SRSF6: variants seen among roughly 807,000 people sequenced by gnomAD.
SRSF6 encodes serine/arginine-rich splicing factor 6.
Under a neutral mutation model 42.0 loss-of-function variants are expected in SRSF6, and 17 were observed. The ratio of observed to expected loss-of-function variants is 0.40; its 90% CI spans 0.28 to 0.61. The LOEUF is 0.61. SRSF6 is among the 20% of genes least tolerant of loss of function. The pLI is 0.37. For missense variants in SRSF6, 379 were observed against 471.4 expected (o/e 0.80, Z 1.81); for synonymous variants, 204 against 166.7 (o/e 1.22, Z -1.72).
rs13042776 is a variant in SRSF6 at position 43,457,972 on chromosome 20, C to G, written c.-62C>G. ...TCTTGCCGTCCCCGCACCCGCACCGCGGTTACTGGCTTGCGGTCCGCCGTT... is the reference window on the plus strand; with the variant it reads ...TCTTGCCGTCCCCGCACCCGCACCGGGGTTACTGGCTTGCGGTCCGCCGTT... On this transcript the variant is annotated 5_prime_UTR_variant, in exon 1 of 6. Transcript: ENST00000244020. 3 of 1,409,116 alleles carry G rather than the reference C, an allele frequency of 2.1e-6. No homozygotes were observed. The highest frequency in any genetic ancestry group is 3.0e-6 in the Non-Finnish European group (3 of 1,009,902). 87.3% of individuals were successfully genotyped at this position (1,409,116 alleles called of 1,614,324 possible). A position where few individuals can be genotyped will look rare whatever the true frequency, so the allele number is the denominator to read the frequency against.
Position 43,461,357 on chromosome 20 carries a change from TTTTTTTTTTTTTTTTTTA to T in SRSF6, c.*295_*312del, listed in dbSNP as rs2017594305. Reference sequence around the variant, plus strand: ...GTGTTGTTTTTTTTTTTTTTTTTTTTTTTTTTTTTTTTTTTTTAGTATTTCAGCAGGATCTGCTGGCAG... The same window carrying T: ...GTGTTGTTTTTTTTTTTTTTTTTTTTGTATTTCAGCAGGATCTGCTGGCAG... On this transcript the variant is annotated 3_prime_UTR_variant, in exon 6 of 6. Transcript: ENST00000244020. 4.1e-6 allele frequency: 1 copy of T among 244,696 alleles called. No individual in the cohort carries two copies. The highest frequency in any genetic ancestry group is 7.6e-5 in the East Asian group (1 of 13,154). The allele number at this position is 244,696 out of a possible 1,614,324, so 15.2% of individuals were successfully genotyped here.
chr20:43,459,307 G>C (rs1180910800), intron 2 of SRSF6: 1 of 1,351,974 alleles, frequency 7.4e-7, no homozygotes, highest in African/African-American at 1.5e-5. Flanking sequence ...GCCATTAGAC[G>C]CAGGGTGATG....
At position 43,457,929 on chromosome 20, in the gene SRSF6, T is replaced by G; in HGVS notation, c.-105T>G. ...GCTGGACTCGGCCGCCCCTGTGGTG[T>G]GAGGCGCGTGTTCGGGCTCTTGCCG... On this transcript the variant is annotated 5_prime_UTR_variant, in exon 1 of 6. Coordinates refer to ENST00000244020, the MANE Select transcript of SRSF6 (RefSeq NM_006275.6). 1.1e-6 allele frequency: 1 copy of G among 944,204 alleles called. No homozygotes were observed. The allele number at this position is 944,204 out of a possible 1,614,324, so 58.5% of individuals were successfully genotyped here.
In SRSF6 at chr20:43,460,508, C is replaced by A. The variant is rs1441727167; in HGVS notation, c.591-7C>A. ...GGATTAAGACTTCATTGTTTTTCTC[C>A]TAATAGGTCTCGATCTAGAAGACGG... is the stretch of plus-strand genomic sequence containing the variant. On this transcript the variant is annotated splice_polypyrimidine_tract_variant and splice_region_variant and intron_variant, in intron 4 of 5. Transcript: ENST00000244020. 3 of 1,612,272 alleles carry A rather than the reference C, an allele frequency of 1.9e-6. No individual in the cohort carries two copies. The highest frequency in any genetic ancestry group is 1.7e-6 in the Non-Finnish European group (2 of 1,179,136).
Position 43,460,937 on chromosome 20 carries a change from G to T in SRSF6, c.909G>T (p.Ser303=). The T allele has an allele frequency of 6.2e-7, 1 of 1,614,048 alleles. No individual in the cohort carries two copies. The highest frequency in any genetic ancestry group is 8.5e-7 in the Non-Finnish European group (1 of 1,180,016). Residue 303 remains serine, a synonymous_variant, in exon 6 of 6, where the codon TCG becomes TCT. Transcript: ENST00000244020. The part of the protein sequence containing the change: ...SRSRSQSRSN[S]PLPVPPSKAR... Reference sequence around the variant, plus strand: ...CAAGGAGCCAGTCCCGTTCCAATTCGCCGCTACCTGTTCCACCCTCAAAGG... The same window carrying T: ...CAAGGAGCCAGTCCCGTTCCAATTCTCCGCTACCTGTTCCACCCTCAAAGG...
rs1285973406 is a variant in SRSF6 at position 43,460,722 on chromosome 20, G to A, written c.694G>A (p.Gly232Ser). ...SRSRSRSRSKGRSRSRSKGRK... is the reference protein window; with the variant it reads ...SRSRSRSRSKSRSRSRSKGRK... Reference sequence around the variant, plus strand: ...GTCCAGTTCCAGGTCGCGGAGCAAAGGTCGATCACGTTCTCGATCAAAAGG... The same window carrying A: ...GTCCAGTTCCAGGTCGCGGAGCAAAAGTCGATCACGTTCTCGATCAAAAGG... The change falls in exon 6 of 6, where the codon GGT becomes AGT. Residue 232 changes from glycine (G) to serine (S), a missense_variant. Gly to Ser is a moderately conservative substitution (Grantham distance 56). Coordinates refer to ENST00000244020, the MANE Select transcript of SRSF6 (RefSeq NM_006275.6). 3 of 1,613,468 alleles carry A rather than the reference G, an allele frequency of 1.9e-6. No individual in the cohort carries two copies. The highest frequency in any genetic ancestry group is 2.5e-6 in the Non-Finnish European group (3 of 1,179,578).
Position 43,463,997 on chromosome 20 carries a change from GATC to G in SRSF6, c.*2937_*2939del, listed in dbSNP as rs2017646531. ...TTGTATCTGCTCAAGAGATTTCTAT[GATC>G]ATATAAAAATGCCTTTTTAGGTTTT... On this transcript the variant is annotated 3_prime_UTR_variant, in exon 6 of 6. Transcript: ENST00000244020. The G allele has an allele frequency of 6.6e-6, 1 of 152,214 alleles. No homozygotes were observed. Among genetic ancestry groups the G allele is most frequent in the African/African-American group, 2.4e-5 (1 of 41,456 alleles). The allele number at this position is 152,214 out of a possible 1,614,324, so 9.4% of individuals were successfully genotyped here.
Position 43,460,685 on chromosome 20 carries a change from C to G in SRSF6, c.675-18C>G. 6.2e-7 allele frequency: 1 copy of G among 1,611,986 alleles called. No homozygotes were observed. On this transcript the variant is annotated intron_variant, in intron 5 of 5. Coordinates refer to ENST00000244020, the MANE Select transcript of SRSF6 (RefSeq NM_006275.6). ...CATTCTCACTAAGTATTGAGAAAAT[C>G]GGTCTTTCCTTGTCCAGTTCCAGGT...
At chr20:43,458,275 G>A in intron 1 of SRSF6, 86 bp from the exon 2 acceptor site, 2 of 1,398,748 alleles carry the variant, frequency 1.4e-6, no homozygotes, top group Non-Finnish European at 1.9e-6. Flanking sequence ...GCGTCGCGGG[G>A]GCGCGCGGTG....
Position 43,458,088 on chromosome 20 carries a change from C to T in SRSF6, c.55C>T (p.Gln19Ter). The T allele has an allele frequency of 6.2e-7, 1 of 1,613,552 alleles. No individual in the cohort carries two copies. Residue 19 changes from glutamine to a stop codon, truncating the protein, a stop_gained, in exon 1 of 6, where the codon CAG (glutamine) becomes TAG (stop). Transcript: ENST00000244020. LOFTEE classifies it high-confidence loss of function. ...CTACAACGTCCGGGAGAAGGACATC[C>T]AGCGCTTTTTCAGTGGCTATGGCCG... ...LSYNVREKDI[Q>*]RFFSGYGRLL...
In SRSF6 at chr20:43,460,864, G is replaced by T. The variant is rs145109946; in HGVS notation, c.836G>T (p.Arg279Leu). The change falls in exon 6 of 6, where the codon CGA (arginine) becomes CTA (leucine). Residue 279 changes from arginine (R) to leucine (L), a missense_variant. By Grantham distance (102) the Arg-to-Leu change is moderately radical (BLOSUM62 -2). Transcript: ENST00000244020. ...YEKSRSRSRS[R>L]SPKENGKGDI... is the part of the protein sequence containing the mutation. ...AAATCTCGAAGCAGGTCTCGGTCCC[G>T]ATCCCCTAAAGAAAATGGAAAGGGT... 3.1e-6 allele frequency: 5 copies of T among 1,614,038 alleles called. No individual in the cohort carries two copies. The South Asian group carries it at 4.4e-5, about 14-fold the overall frequency.
Position 43,459,762 on chromosome 20 carries a change from G to C in SRSF6, c.257-9G>C, listed in dbSNP as rs980007110. The C allele has an allele frequency of 6.2e-7, 1 of 1,612,694 alleles. No homozygotes were observed. Among genetic ancestry groups the C allele is most frequent in the Non-Finnish European group, 8.5e-7 (1 of 1,180,010 alleles). ...CAAGGCATCTAATTGTTCCCTTCAT[G>C]TGATAAAGGTGGTGGAGGTGGATAC... is the stretch of plus-strand genomic sequence containing the variant. On this transcript the variant is annotated splice_polypyrimidine_tract_variant and intron_variant, in intron 2 of 5. Coordinates refer to ENST00000244020, the MANE Select transcript of SRSF6 (RefSeq NM_006275.6).
chr20:43,461,334 GTTGT>G lies in SRSF6; in HGVS notation c.*274_*277del, dbSNP rs1278745731. ...TTTGTAAAGATTAAGCTCATTTAGT[GTTGT>G]TTTTTTTTTTTTTTTTTTTTTTTTT... On this transcript the variant is annotated 3_prime_UTR_variant, in exon 6 of 6. Coordinates refer to ENST00000244020, the MANE Select transcript of SRSF6 (RefSeq NM_006275.6). 1.5e-3 allele frequency: 84 copies of G among 56,490 alleles called. 5 individuals carry two copies. In the South Asian group the frequency reaches 0.034, roughly 23 times the overall value. The allele number at this position is 56,490 out of a possible 1,614,324, so 3.5% of individuals were successfully genotyped here. A position where few individuals can be genotyped will look rare whatever the true frequency, so the allele number is the denominator to read the frequency against.
At chr20:43,458,209 G>A (rs1335059497) in intron 1 of SRSF6, 69 bp downstream of exon 1, 5 of 1,537,998 alleles carry the variant, frequency 3.3e-6, no homozygotes, top group Admixed American at 1.9e-5. Flanking sequence ...TCCAAGGAAA[G>A]AAGCGGCCAA....
Position 43,461,146 on chromosome 20 carries a change from C to T in SRSF6, c.*83C>T, listed in dbSNP as rs2017583145. On this transcript the variant is annotated 3_prime_UTR_variant, in exon 6 of 6. Coordinates refer to ENST00000244020, the MANE Select transcript of SRSF6 (RefSeq NM_006275.6). ...CTTCCATGTTTATACTTGGCCTCTT[C>T]TGCAAGAGGAATCTCTTGAAAACAG... 2.5e-5 allele frequency: 37 copies of T among 1,453,296 alleles called. 1 individual carries two copies. The South Asian group carries it at 5.1e-4, about 20-fold the overall frequency. The allele number at this position is 1,453,296 out of a possible 1,614,324, so 90.0% of individuals were successfully genotyped here.
chr20:43,459,938 TTAAAG>T (rs779984122), intron 3 of SRSF6, 43 bp downstream of exon 3: 4 of 1,601,332 alleles, frequency 2.5e-6, no homozygotes, highest in Admixed American at 1.7e-5. Context: ...GACTAATGCT[TTAAAG>T]TAAACTCCTT....
chr20:43,463,144 G>T lies in SRSF6; in HGVS notation c.*2081G>T. ...ATAGACTGGTTTGACTATATTGTTA[G>T]CTGCCACAGTAAGCAGGTCATTGTA... is the stretch of plus-strand genomic sequence containing the variant. On this transcript the variant is annotated 3_prime_UTR_variant, in exon 6 of 6. Transcript: ENST00000244020. The T allele has an allele frequency of 6.5e-6, 1 of 153,860 alleles. No individual in the cohort carries two copies. Among genetic ancestry groups the T allele is most frequent in the Middle Eastern group, 8.3e-4 (1 of 1,198 alleles). 9.5% of individuals were successfully genotyped at this position (153,860 alleles called of 1,614,324 possible). A position where few individuals can be genotyped will look rare whatever the true frequency, so the allele number is the denominator to read the frequency against.
At position 43,461,268 on chromosome 20, in the gene SRSF6, T is replaced by G. The variant is rs2017585579; in HGVS notation, c.*205T>G. On this transcript the variant is annotated 3_prime_UTR_variant, in exon 6 of 6. Transcript: ENST00000244020. The stretch of plus-strand genomic sequence containing the variant: ...AGACCCTCTCCCTTCTTTGTAGAAT[T>G]AAGATAACTTTGATTTTATAGCTTT... 3 of 516,512 alleles carry G rather than the reference T, an allele frequency of 5.8e-6. No individual in the cohort carries two copies. The highest frequency in any genetic ancestry group is 8.8e-6 in the Non-Finnish European group (3 of 340,364). 32.0% of individuals were successfully genotyped at this position (516,512 alleles called of 1,614,324 possible). A position where few individuals can be genotyped will look rare whatever the true frequency, so the allele number is the denominator to read the frequency against.
intron 2 of SRSF6, chr20:43,459,361 G>A: frequency 7.4e-7 from 1 of 1,348,746 alleles, no homozygotes; most frequent in Admixed American, 1.9e-5. Context: ...ATCTGAACTA[G>A]GTGACTGTTA....
Sources: gnomAD v4.1 joint callset for allele counts on GRCh38, gnomAD v4.1.1 for gene constraint, MANE v1.5 for transcripts, NCBI Gene and HGNC (gene_info 2026-07-23, HGNC 2026-07-21) for gene names.